BNIP2: variants seen among roughly 807,000 people sequenced by gnomAD.
The protein encoded by BNIP2 is BCL2/adenovirus E1B 19 kDa protein-interacting protein 2.
A neutral mutation model predicts 43.4 loss-of-function variants in BNIP2; 36 were observed. That is an observed-to-expected ratio of 0.83 (90% CI 0.64 to 1.10). The LOEUF (loss-of-function observed/expected upper bound fraction) is 1.10. BNIP2 is among the 50% of genes least tolerant of loss of function. BNIP2 has a pLI of 0.00. For missense variants in BNIP2, 417 were observed against 374.1 expected, an observed-to-expected ratio of 1.11 and a Z score of -0.95; for synonymous variants, 146 against 121.0, an observed-to-expected ratio of 1.21 and a Z score of -1.35.
chr15:59,684,344 A>G (rs945011338), intron 1 of BNIP2, among the ~76,000 whole-genome samples: 4 of 152,254 alleles, frequency 2.6e-5, no homozygotes, highest in African/African-American at 7.2e-5. Context: ...CTGGGAAAAC[A>G]ATGATCTAGG....
chr15:59,679,596 C>T lies in BNIP2; in HGVS notation c.291G>A (p.Trp97Ter). 1 of 1,611,270 alleles carries T rather than the reference C, an allele frequency of 6.2e-7. No individual in the cohort carries two copies. The highest frequency in any genetic ancestry group is 8.5e-7 in the Non-Finnish European group (1 of 1,178,774). Residue 97 changes from tryptophan to a stop codon, truncating the protein, a stop_gained, in exon 4 of 10, where the codon TGG becomes TGA. Transcript: ENST00000607373. LOFTEE classifies it high-confidence loss of function. ...TPSENSNEFEWEDDLPKPKTT... is the reference protein window; with the variant it reads ...TPSENSNEFE ...TAAAAACAGTGAAACATTTACCTTC[C>T]CACTCAAACTCATTACTATTCTCTG...
At position 59,669,380 on chromosome 15, in the gene BNIP2, AAC is replaced by A. The variant is rs556392162; in HGVS notation, c.708-20_708-19del. 188 of 1,387,398 alleles carry A rather than the reference AAC, an allele frequency of 1.4e-4. No homozygotes were observed. The highest frequency in any genetic ancestry group is 1.9e-4 in the Admixed American group (8 of 41,358). The allele number at this position is 1,387,398 out of a possible 1,614,324, so 85.9% of individuals were successfully genotyped here. A position where few individuals can be genotyped will look rare whatever the true frequency, so the allele number is the denominator to read the frequency against. ...TCCGTAACCTGGAGTTTAAAAAAAA[AAC>A]ACACACACACAAAGAAAATTAAAAA... is the stretch of plus-strand genomic sequence containing the variant. On this transcript the variant is annotated intron_variant, in intron 7 of 9. Transcript: ENST00000607373.
In BNIP2 at chr15:59,659,875, A is replaced by G. The variant is rs770113014; in HGVS notation, c.*4194T>C. ...TAGGTCTATTATAAATAGTTGCAAC[A>G]TACTGTTATATTCAAATTTTAGTGT... is the stretch of plus-strand genomic sequence containing the variant. On this transcript the variant is annotated 3_prime_UTR_variant, in exon 10 of 10. Transcript: ENST00000607373. 5 of 152,320 alleles carry G rather than the reference A, an allele frequency of 3.3e-5. No homozygotes were observed. The highest frequency in any genetic ancestry group is 7.3e-5 in the Non-Finnish European group (5 of 68,032). 9.4% of individuals were successfully genotyped at this position (152,320 alleles called of 1,614,324 possible). A position where few individuals can be genotyped will look rare whatever the true frequency, so the allele number is the denominator to read the frequency against.
chr15:59,673,527 G>A (rs1391606353), intron 5 of BNIP2, among the ~76,000 whole-genome samples: 2 of 152,152 alleles, frequency 1.3e-5, no homozygotes, highest in African/African-American at 2.4e-5. Flanking sequence ...TGGGCTCAAG[G>A]GATCTTCCCA....
intron 6 of BNIP2, among the ~76,000 whole-genome samples, chr15:59,671,920 T>G (rs1242676110): frequency 6.6e-6 from 1 of 151,930 alleles, no homozygotes; most frequent in Non-Finnish European, 1.5e-5. Context: ...TACCAAAAAT[T>G]AAGAAGTCAG....
chr15:59,680,800 C>G (rs190834037), intron 2 of BNIP2, among the ~76,000 whole-genome samples: 1 of 151,952 alleles, frequency 6.6e-6, no homozygotes, highest in East Asian at 1.9e-4. Context: ...TGGTAGAGAC[C>G]GGATATTGCT....
At position 59,676,944 on chromosome 15, in the gene BNIP2, T is replaced by C. The variant is rs570785604; in HGVS notation, c.472+967A>G. ...CTCTTCACCCTCTGCGAGAACAGCATGATCCTCTCTGCTGCCATCTTCATC... is the reference window on the plus strand; with the variant it reads ...CTCTTCACCCTCTGCGAGAACAGCACGATCCTCTCTGCTGCCATCTTCATC... On this transcript the variant is annotated intron_variant, in intron 5 of 9. Transcript: ENST00000607373. The C allele has an allele frequency of 6.8e-4, 1,092 of 1,612,136 alleles. 1 individual carries two copies. The highest frequency in any genetic ancestry group is 8.4e-4 in the Non-Finnish European group (990 of 1,178,690).
chr15:59,664,203 A>C (rs1480009114), intron 9 of BNIP2, 83 bp from the exon 10 acceptor site: 1 of 881,436 alleles, frequency 1.1e-6, no homozygotes, highest in Non-Finnish European at 1.7e-6. Context: ...TTAGCATAGA[A>C]TATTACTCTG....
intron 1 of BNIP2, 74 bp from the exon 2 acceptor site, chr15:59,682,588 T>C (rs570087913): frequency 3.5e-6 from 4 of 1,148,992 alleles, no homozygotes; most frequent in African/African-American, 3.1e-5. Context: ...AATAATCTTA[T>C]ATATTAGTTC....
chr15:59,678,312 A>T, intron 4 of BNIP2: 1 of 1,280,256 alleles, frequency 7.8e-7, no homozygotes, highest in Non-Finnish European at 9.9e-7. Flanking sequence ...ATTTAGCAAA[A>T]ACCACCTAAT....
chr15:59,672,740 C>T lies in BNIP2; in HGVS notation c.473-1G>A. On this transcript the variant is annotated splice_acceptor_variant, in intron 5 of 9. Coordinates refer to ENST00000607373, the MANE Select transcript of BNIP2 (RefSeq NM_004330.4). LOFTEE classifies it high-confidence loss of function. Reference sequence around the variant, plus strand: ...GCATTTAATCCATCCCCATAATATCCTAAAAAAGAAACCAAAGACAGTATC... The same window carrying T: ...GCATTTAATCCATCCCCATAATATCTTAAAAAAGAAACCAAAGACAGTATC... The T allele has an allele frequency of 6.2e-7, 1 of 1,611,580 alleles. No homozygotes were observed. Among genetic ancestry groups the T allele is most frequent in the Non-Finnish European group, 8.5e-7 (1 of 1,178,416 alleles).
At chr15:59,677,170 T>C (rs1893356856) in intron 5 of BNIP2, 1 of 1,595,792 alleles carries the variant, frequency 6.3e-7, no homozygotes, top group African/African-American at 1.3e-5. Context: ...TACCTCTGCA[T>C]CTTATTGAAG....
chr15:59,680,114 CAA>C, intron 3 of BNIP2, 125 bp downstream of exon 3: 2 of 790,522 alleles, frequency 2.5e-6, no homozygotes, highest in Non-Finnish European at 3.7e-6. Flanking sequence ...CCTCAATGTT[CAA>C]CTTATACTTT....
In BNIP2 at chr15:59,679,006, C is replaced by G. The variant is rs574041617; in HGVS notation, c.295+586G>C. On this transcript the variant is annotated intron_variant, in intron 4 of 9. Coordinates refer to ENST00000607373, the MANE Select transcript of BNIP2 (RefSeq NM_004330.4). Reference sequence around the variant, plus strand: ...CTTTATTACAGTAAAATACTGAATGCTAAACACTACTATGAAAACAAAATC... The same window carrying G: ...CTTTATTACAGTAAAATACTGAATGGTAAACACTACTATGAAAACAAAATC... Among the ~76,000 whole-genome samples the G allele has an allele frequency of 7.2e-5, 11 of 152,022 alleles. No homozygotes were observed. In the South Asian group the frequency reaches 2.3e-3, roughly 32 times the overall value.
chr15:59,672,563 G>C (rs1426988315), intron 6 of BNIP2, 74 bp downstream of exon 6: 6 of 1,131,382 alleles, frequency 5.3e-6, no homozygotes, highest in South Asian at 1.4e-5. Context: ...TTTTTGAAAA[G>C]GTTAAGTTTC....
At chr15:59,670,435 C>T (rs1406911712) in intron 7 of BNIP2, among the ~76,000 whole-genome samples, 2 of 151,886 alleles carry the variant, frequency 1.3e-5, no homozygotes, top group Non-Finnish European at 2.9e-5. Context: ...TGTCTCAAAA[C>T]AAAACAAAAA....
chr15:59,681,916 A>C (rs1893701357), intron 2 of BNIP2, among the ~76,000 whole-genome samples: 1 of 152,250 alleles, frequency 6.6e-6, no homozygotes, highest in African/African-American at 2.4e-5. Context: ...CAAAAATGAA[A>C]GATTATAGAA....
At chr15:59,688,720 T>C (rs1284312296) in intron 1 of BNIP2, 3 of 1,535,544 alleles carry the variant, frequency 2.0e-6, no homozygotes, top group African/African-American at 2.7e-5. Flanking sequence ...TCCCCGCGGT[T>C]ACGAGGCATA....
chr15:59,687,978 T>A (rs2142026765), intron 1 of BNIP2, among the ~76,000 whole-genome samples: 1 of 152,336 alleles, frequency 6.6e-6, no homozygotes, highest in Admixed American at 6.5e-5. Context: ...AAGAAGCCTG[T>A]AATGCCTGAT....
Sources: allele counts gnomAD v4.1 joint callset (sites outside exome capture counted in the v4.1 genomes callset), GRCh38; gene constraint gnomAD v4.1.1; transcripts MANE v1.5; gene names NCBI Gene and HGNC (gene_info 2026-07-23, HGNC 2026-07-21).